IGF2R: variants seen among roughly 807,000 people sequenced by gnomAD.
IGF2R encodes insulin like growth factor 2 receptor.
IGF2R carries 91 observed loss-of-function variants against 270.6 expected under a neutral mutation model. The ratio of observed to expected loss-of-function variants is 0.34; its 90% confidence interval spans 0.28 to 0.40. The LOEUF (loss-of-function observed/expected upper bound fraction) is 0.40. Ranked by LOEUF, IGF2R falls within the 10% of genes least tolerant of loss-of-function variation. IGF2R has a pLI of 1.00. For synonymous variants in IGF2R, 1,316 were observed against 1,258.9 expected (o/e 1.05, Z -0.96); for missense variants, 2,805 against 3,188.3 (o/e 0.88, Z 2.90).
Position 160,069,973 on chromosome 6 carries a change from T to C in IGF2R, c.4358T>C (p.Leu1453Pro). The C allele has an allele frequency of 6.2e-7, 1 of 1,614,230 alleles. No homozygotes were observed. The highest frequency in any genetic ancestry group is 8.5e-7 in the Non-Finnish European group (1 of 1,180,032). Residue 1453 changes from leucine (L) to proline (P), a missense_variant, in exon 31 of 48, where the codon CTG becomes CCG. Physicochemically the swap from Leu to Pro is moderately conservative, Grantham distance 98. This residue lies in a region of IGF2R where 1,851 missense variants were observed against 2,207.2 expected (regional missense o/e 0.84). Transcript: ENST00000356956. ...GPQWRDGIIV[L>P]KYVDGDLCPD... The stretch of plus-strand genomic sequence containing the variant: ...CAGTGGAGAGATGGCATAATTGTCC[T>C]GAAATACGTTGATGGCGACTTATGT...
chr6:159,974,587 C>T lies in IGF2R; in HGVS notation c.149+5192C>T, dbSNP rs185907677. Among the ~76,000 whole-genome samples the T allele has an allele frequency of 2.8e-3, 427 of 152,262 alleles. 3 individuals carry two copies. Among genetic ancestry groups the T allele is most frequent in the African/African-American group, 0.01 (419 of 41,538 alleles). On this transcript the variant is annotated intron_variant, in intron 1 of 47. Coordinates refer to ENST00000356956, the MANE Select transcript of IGF2R (RefSeq NM_000876.4). ...TTGTGCTTTTGGTAGCTTGAGAAAT[C>T]AACCTTAAAACTAGTGACATTTGAC...
intron 1 of IGF2R, among the ~76,000 whole-genome samples, chr6:159,990,120 T>A (rs1240133009): frequency 1.3e-5 from 2 of 152,236 alleles, no homozygotes; most frequent in Non-Finnish European, 2.9e-5. Flanking sequence ...CATAGCTAGT[T>A]TTTTAATAAA....
At chr6:160,061,032 A>T (rs1778428240) in intron 23 of IGF2R, among the ~76,000 whole-genome samples, 1 of 151,966 alleles carries the variant, frequency 6.6e-6, no homozygotes, top group South Asian at 2.1e-4. Context: ...TTCTTATTTG[A>T]GGGTGAAAAA....
At chr6:160,007,613 G>A (rs1255962098) in intron 2 of IGF2R, 2 of 152,182 alleles carry the variant, frequency 1.3e-5, no homozygotes, top group Non-Finnish European at 2.9e-5. Context: ...CCATTGTGTG[G>A]CTAGGAGTGG....
intron 7 of IGF2R, among the ~76,000 whole-genome samples, chr6:160,030,539 A>G (rs1777672344): frequency 2.0e-5 from 3 of 152,016 alleles, no homozygotes; most frequent in African/African-American, 7.2e-5. Context: ...GGAGTGTCTG[A>G]TGTTTGTTCT....
intron 1 of IGF2R, among the ~76,000 whole-genome samples, chr6:159,984,053 C>G (rs1473981964): frequency 6.6e-6 from 1 of 152,192 alleles, no homozygotes. Context: ...ATCTGTTGAT[C>G]AGCATGATGT....
At chr6:160,071,862 T>TG in intron 31 of IGF2R, 48 bp from the exon 32 acceptor site, 1 of 1,601,834 alleles carries the variant, frequency 6.2e-7, no homozygotes, top group South Asian at 1.1e-5. Flanking sequence ...ATGATAGACA[T>TG]GGAGTTTTTG....
rs994972027 is a variant in IGF2R at position 160,110,785 on chromosome 6, G to A, written c.*5701G>A. Reference sequence around the variant, plus strand: ...TCATTTGTGACAACATGGATGAGCTGAGAGAACATTATGCTAAGTGAAATA... The same window carrying A: ...TCATTTGTGACAACATGGATGAGCTAAGAGAACATTATGCTAAGTGAAATA... On this transcript the variant is annotated 3_prime_UTR_variant, in exon 48 of 48. Coordinates refer to ENST00000356956, the MANE Select transcript of IGF2R (RefSeq NM_000876.4). 2 of 152,232 alleles carry A rather than the reference G, an allele frequency of 1.3e-5. No individual in the cohort carries two copies. The highest frequency in any genetic ancestry group is 2.9e-5 in the Non-Finnish European group (2 of 68,054). The allele number at this position is 152,232 out of a possible 1,614,324, so 9.4% of individuals were successfully genotyped here.
At position 160,105,524 on chromosome 6, in the gene IGF2R, G is replaced by GT. The variant is rs1317101900; in HGVS notation, c.*443dup. 6 of 156,872 alleles carry GT rather than the reference G, an allele frequency of 3.8e-5. No individual in the cohort carries two copies. In the East Asian group the frequency reaches 9.5e-4, roughly 25 times the overall value. 9.7% of individuals were successfully genotyped at this position (156,872 alleles called of 1,614,324 possible). A position where few individuals can be genotyped will look rare whatever the true frequency, so the allele number is the denominator to read the frequency against. ...GAAAAAGGAAAAAAAAACAGCCACC[G>GT]TTTCTTCCTGCCAGCAGGGGTGTGA... On this transcript the variant is annotated 3_prime_UTR_variant, in exon 48 of 48. Coordinates refer to ENST00000356956, the MANE Select transcript of IGF2R (RefSeq NM_000876.4).
intron 29 of IGF2R, among the ~76,000 whole-genome samples, chr6:160,067,023 A>G (rs1047713733): frequency 3.9e-5 from 6 of 152,212 alleles, no homozygotes; most frequent in African/African-American, 1.4e-4. Flanking sequence ...CTCTTGAGAT[A>G]TAAGTCCCAC....
intron 20 of IGF2R, among the ~76,000 whole-genome samples, chr6:160,057,113 C>T (rs1032024666): frequency 6.6e-5 from 10 of 152,108 alleles, no homozygotes; most frequent in African/African-American, 9.7e-5. Context: ...TAATATGATC[C>T]TTTCTATAGG....
At chr6:160,064,562 T>G in intron 28 of IGF2R, 31 bp downstream of exon 28, 1 of 1,611,098 alleles carries the variant, frequency 6.2e-7, no homozygotes, top group Non-Finnish European at 8.5e-7. Flanking sequence ...CTCAGCGGGG[T>G]CTTCTCCCCA....
chr6:160,010,106 T>G (rs1268122058), intron 3 of IGF2R, among the ~76,000 whole-genome samples: 1 of 152,216 alleles, frequency 6.6e-6, no homozygotes, highest in African/African-American at 2.4e-5. Flanking sequence ...ATACCAGAAA[T>G]AGAACTGTGA....
rs1779677810 is a variant in IGF2R at position 160,108,642 on chromosome 6, C to CT, written c.*3563dup. 1 of 149,964 alleles carries CT rather than the reference C, an allele frequency of 6.7e-6. No homozygotes were observed. The highest frequency in any genetic ancestry group is 1.5e-5 in the Non-Finnish European group (1 of 67,276). 9.3% of individuals were successfully genotyped at this position (149,964 alleles called of 1,614,324 possible). ...TCCTTTCATTCCTTTCCTTTCCTTC[C>CT]TTTTTCCTCTTTCTTTCTTTCCTTT... is the stretch of plus-strand genomic sequence containing the variant. On this transcript the variant is annotated 3_prime_UTR_variant, in exon 48 of 48. Transcript: ENST00000356956.
At chr6:160,048,070 C>T (rs1026422914) in intron 17 of IGF2R, among the ~76,000 whole-genome samples, 163 bp downstream of exon 17, 2 of 152,226 alleles carry the variant, frequency 1.3e-5, no homozygotes, top group African/African-American at 4.8e-5. Flanking sequence ...TAATAACTGT[C>T]TGGTCGCCTT....
Position 160,049,525 on chromosome 6 carries a change from C to T in IGF2R, c.2515-948C>T, listed in dbSNP as rs544931396. Among the ~76,000 whole-genome samples the T allele has an allele frequency of 2.4e-4, 36 of 152,266 alleles. No homozygotes were observed. In the South Asian group the frequency reaches 6.4e-3, roughly 27 times the overall value. On this transcript the variant is annotated intron_variant, in intron 18 of 47. Coordinates refer to ENST00000356956, the MANE Select transcript of IGF2R (RefSeq NM_000876.4). Reference sequence around the variant, plus strand: ...AGCTCCAGCCCTGGGGCCAGTTGGACGGGGTCTGAATTCCAACTCTGGCAT... The same window carrying T: ...AGCTCCAGCCCTGGGGCCAGTTGGATGGGGTCTGAATTCCAACTCTGGCAT...
In IGF2R at chr6:160,075,454, C is replaced by A. The variant is rs572737543; in HGVS notation, c.5167-393C>A. On this transcript the variant is annotated intron_variant, in intron 35 of 47. Transcript: ENST00000356956. ...GGTCAGCATGGAGGTTCCGGCCTTC[C>A]CCTGTCAGGTGGTGGGAGGACCGTG... Among the ~76,000 whole-genome samples, 14 of 152,278 alleles carry A rather than the reference C, an allele frequency of 9.2e-5. No individual in the cohort carries two copies. In the South Asian group the frequency reaches 2.9e-3, roughly 32 times the overall value.
chr6:160,085,882 C>T (rs950386518), intron 41 of IGF2R, among the ~76,000 whole-genome samples: 10 of 152,300 alleles, frequency 6.6e-5, no homozygotes, highest in South Asian at 2.1e-4. Context: ...CAGGAAGTGG[C>T]GCCCAGACCG....
At chr6:160,068,101 TGTGTGTGACA>T in intron 29 of IGF2R, 138 bp from the exon 30 acceptor site, 1 of 632,096 alleles carries the variant, frequency 1.6e-6, no homozygotes, top group Non-Finnish European at 2.8e-6. Flanking sequence ...TGTGTGTGTG[TGTGTGTGACA>T]GAGACAGAGA....
Sources: gnomAD v4.1 joint callset for allele counts (sites outside exome capture counted in the v4.1 genomes callset) on GRCh38, gnomAD v4.1.1 for gene constraint, gnomAD v4.1.1 regional missense constraint, MANE v1.5 for transcripts, NCBI Gene and HGNC (gene_info 2026-07-23, HGNC 2026-07-21) for gene names.